LPP: variants seen among roughly 807,000 people sequenced by gnomAD.
LPP encodes the protein LIM domain containing preferred translocation partner in lipoma.
A neutral mutation model predicts 60.4 loss-of-function variants in LPP; 38 were observed. That is an observed-to-expected ratio of 0.63 (90% CI 0.49 to 0.83). LPP has a LOEUF of 0.83. LPP is among the 40% of genes least tolerant of loss of function. The pLI, the probability that LPP is intolerant of heterozygous loss-of-function variation, is 0.00. For synonymous variants in LPP, 328 were observed against 290.8 expected (o/e 1.13, Z -1.30); for missense variants, 902 against 783.6 (o/e 1.15, Z -1.80).
intron 9 of LPP, among the ~76,000 whole-genome samples, chr3:188,851,158 G>C (rs1341722545): frequency 6.6e-6 from 1 of 152,188 alleles, no homozygotes; most frequent in South Asian, 2.1e-4. Flanking sequence ...GACTGACTGG[G>C]AATGTTGTAG....
chr3:188,175,366 G>A (rs990220287), intron 1 of LPP, among the ~76,000 whole-genome samples: 2 of 152,156 alleles, frequency 1.3e-5, no homozygotes, highest in Admixed American at 1.3e-4. Flanking sequence ...GGGATTACAG[G>A]CGTGAGCCAC....
intron 1 of LPP, among the ~76,000 whole-genome samples, chr3:188,163,824 G>A (rs1011462047): frequency 7.3e-5 from 11 of 151,416 alleles, no homozygotes; most frequent in South Asian, 2.1e-4. Context: ...GGTAGTGGGC[G>A]CCTGTAATCC....
chr3:188,552,500 A>G (rs1156564138), intron 6 of LPP, among the ~76,000 whole-genome samples: 1 of 152,138 alleles, frequency 6.6e-6, no homozygotes, highest in Non-Finnish European at 1.5e-5. Context: ...AAAACATCAC[A>G]AATTTCTTAT....
intron 6 of LPP, among the ~76,000 whole-genome samples, chr3:188,530,245 C>T (rs1821799005): frequency 6.6e-6 from 1 of 152,214 alleles, no homozygotes; most frequent in Middle Eastern, 3.2e-3. Flanking sequence ...GGGATAGCAA[C>T]AGTGTTACTG....
chr3:188,678,910 C>A (rs1179418908), intron 7 of LPP, among the ~76,000 whole-genome samples: 2 of 152,222 alleles, frequency 1.3e-5, no homozygotes, highest in Admixed American at 6.5e-5. Context: ...TTTCCAAGAA[C>A]TGTCTCCTCA....
chr3:188,530,010 C>T (rs1821712043), intron 6 of LPP, among the ~76,000 whole-genome samples: 1 of 152,168 alleles, frequency 6.6e-6, no homozygotes, highest in African/African-American at 2.4e-5. Context: ...GCTAACTTGG[C>T]TTAAAGTGTT....
intron 6 of LPP, among the ~76,000 whole-genome samples, chr3:188,536,947 C>T (rs564126128): frequency 1.1e-4 from 16 of 152,280 alleles, no homozygotes; most frequent in Non-Finnish European, 1.5e-4. Context: ...TGGCTCTCTC[C>T]GTCACCCAGC....
At chr3:188,275,184 T>G (rs1739219632) in intron 2 of LPP, among the ~76,000 whole-genome samples, 1 of 152,204 alleles carries the variant, frequency 6.6e-6, no homozygotes, top group Non-Finnish European at 1.5e-5. Flanking sequence ...ACTTTCAGAT[T>G]AAAACATAAC....
chr3:188,190,610 A>G (rs966838509), intron 1 of LPP, among the ~76,000 whole-genome samples: 1 of 152,248 alleles, frequency 6.6e-6, no homozygotes, highest in Non-Finnish European at 1.5e-5. Context: ...CAAAGTAAAC[A>G]GGTGCATATT....
chr3:188,555,891 C>A (rs1829348274), intron 6 of LPP, among the ~76,000 whole-genome samples: 1 of 152,016 alleles, frequency 6.6e-6, no homozygotes, highest in African/African-American at 2.4e-5. Context: ...TGGATCATAT[C>A]ACCTAAGGTA....
At position 188,657,258 on chromosome 3, in the gene LPP, G is replaced by GTATATATA. The variant is rs148151207; in HGVS notation, c.1113+47430_1113+47437dup. On this transcript the variant is annotated intron_variant, in intron 7 of 11. Transcript: ENST00000617246. ...ATAAGTTTTCAAGAGCTGTCAAGGT[G>GTATATATA]TATATATATATATATATATATATTT... Among the ~76,000 whole-genome samples, 497 of 89,830 alleles carry GTATATATA rather than the reference G, an allele frequency of 5.5e-3. 14 individuals carry two copies. The highest frequency in any genetic ancestry group is 8.1e-3 in the Admixed American group (62 of 7,656). 58.9% of individuals were successfully genotyped at this position (89,830 alleles called of 152,430 possible). A position where few individuals can be genotyped will look rare whatever the true frequency, so the allele number is the denominator to read the frequency against.
chr3:188,724,117 G>A (rs1471055177), intron 8 of LPP, among the ~76,000 whole-genome samples: 1 of 152,108 alleles, frequency 6.6e-6, no homozygotes, highest in Non-Finnish European at 1.5e-5. Flanking sequence ...TTTAGTATGA[G>A]TTCTACATGC....
At chr3:188,159,953 C>T (rs1577042464) in intron 1 of LPP, among the ~76,000 whole-genome samples, 1 of 152,184 alleles carries the variant, frequency 6.6e-6, no homozygotes, top group Non-Finnish European at 1.5e-5. Flanking sequence ...CACTTTGTCA[C>T]ACAAGCTGGA....
At chr3:188,301,121 C>T (rs561677672) in intron 2 of LPP, among the ~76,000 whole-genome samples, 121 of 152,216 alleles carry the variant, frequency 7.9e-4, no homozygotes, top group South Asian at 1.2e-3. Context: ...TCCAGTCGTC[C>T]GTCTAACCAT....
intron 9 of LPP, among the ~76,000 whole-genome samples, chr3:188,834,728 A>G (rs1476424601): frequency 6.6e-6 from 1 of 152,144 alleles, no homozygotes; most frequent in Non-Finnish European, 1.5e-5. Context: ...GAAATGAATT[A>G]ATGTTCTTAG....
intron 2 of LPP, among the ~76,000 whole-genome samples, chr3:188,238,077 T>TA (rs537349495): frequency 1.2e-4 from 18 of 152,362 alleles, no homozygotes; most frequent in Middle Eastern, 3.4e-3. Flanking sequence ...CATCAGCACT[T>TA]ACTGCTTTTC....
At chr3:188,455,891 ATT>A (rs370305213) in intron 4 of LPP, among the ~76,000 whole-genome samples, 1 of 151,976 alleles carries the variant, frequency 6.6e-6, no homozygotes, top group East Asian at 1.9e-4. Context: ...TTAAAAAAAA[ATT>A]TTTTTATTTG....
At chr3:188,396,671 G>A (rs1033753110) in intron 3 of LPP, among the ~76,000 whole-genome samples, 9 of 152,182 alleles carry the variant, frequency 5.9e-5, no homozygotes, top group Non-Finnish European at 1.2e-4. Flanking sequence ...GGCACTTAGC[G>A]TCTCACCTTT....
chr3:188,157,065 C>T (rs1242856756), intron 1 of LPP, among the ~76,000 whole-genome samples: 2 of 152,048 alleles, frequency 1.3e-5, no homozygotes, highest in African/African-American at 2.4e-5. Flanking sequence ...TACAATGTAC[C>T]ATAGTTGTGC....
Sources: gnomAD v4.1 joint callset for allele counts (sites outside exome capture counted in the v4.1 genomes callset) on GRCh38, gnomAD v4.1.1 for gene constraint, MANE v1.5 for transcripts, NCBI Gene and HGNC (gene_info 2026-07-23, HGNC 2026-07-21) for gene names.